RDX: variants seen among roughly 807,000 people sequenced by gnomAD.
The protein encoded by RDX is radixin, also known as deafness, autosomal recessive 24.
In RDX, 32 loss-of-function variants were observed where a neutral mutation model predicts 83.7. The observed-to-expected ratio is 0.38, with a 90% CI of 0.29 to 0.51. The LOEUF is 0.51. Ranked by LOEUF, RDX falls within the 20% of genes least tolerant of loss-of-function variation. The pLI is 0.87. For missense variants in RDX, 600 were observed against 689.9 expected, an observed-to-expected ratio of 0.87 and a Z score of 1.46; for synonymous variants, 229 against 222.7, an observed-to-expected ratio of 1.03 and a Z score of -0.25.
intron 14 of RDX, among the ~76,000 whole-genome samples, chr11:110,202,308 G>A (rs1226908649): frequency 6.6e-6 from 1 of 151,880 alleles, no homozygotes; most frequent in Non-Finnish European, 1.5e-5. Context: ...GACAGGAATC[G>A]CTTGAACCCT....
chr11:110,289,477 T>C (rs1312568990), intron 1 of RDX, among the ~76,000 whole-genome samples: 1 of 152,194 alleles, frequency 6.6e-6, no homozygotes, highest in Non-Finnish European at 1.5e-5. Context: ...TAAGTTTTTA[T>C]AGTTTTTCTA....
intron 10 of RDX, among the ~76,000 whole-genome samples, chr11:110,239,713 T>C (rs938303396): frequency 4.3e-5 from 6 of 140,952 alleles, no homozygotes; most frequent in Non-Finnish European, 9.8e-5. Flanking sequence ...TCCCAGGACT[T>C]TGGGATTTAC....
intron 15 of RDX, among the ~76,000 whole-genome samples, chr11:110,178,069 G>A (rs1014215335): frequency 6.6e-6 from 1 of 152,030 alleles, no homozygotes; most frequent in African/African-American, 2.4e-5. Context: ...CTAGACCCCT[G>A]GCCCGTCTCA....
intron 15 of RDX, chr11:110,199,501 C>A: frequency 1.4e-6 from 1 of 694,482 alleles, no homozygotes; most frequent in Non-Finnish European, 2.6e-6. Context: ...GAGGTCCCAC[C>A]AGCATCCTGG....
intron 14 of RDX, among the ~76,000 whole-genome samples, chr11:110,220,789 C>G (rs1197905040): frequency 6.6e-6 from 1 of 151,822 alleles, no homozygotes; most frequent in East Asian, 1.9e-4. Flanking sequence ...TGAGCCACCA[C>G]GCCTGGCCCC....
At chr11:110,258,887 T>TC (rs1197298485) in intron 5 of RDX, among the ~76,000 whole-genome samples, 1 of 147,792 alleles carries the variant, frequency 6.8e-6, no homozygotes, top group East Asian at 2.0e-4. Context: ...TTTTTTTTTT[T>TC]TTGAGATGGA....
intron 15 of RDX, among the ~76,000 whole-genome samples, chr11:110,190,768 G>GT (rs2134226418): frequency 6.6e-6 from 1 of 152,246 alleles, no homozygotes. Flanking sequence ...CATTACAACT[G>GT]ATCCCACAGA....
At chr11:110,272,492 C>A (rs749288423) in intron 3 of RDX, 44 bp downstream of exon 3, 2 of 1,230,990 alleles carry the variant, frequency 1.6e-6, no homozygotes, top group South Asian at 1.2e-5. Flanking sequence ...CAACAACATT[C>A]ACACTATGGT....
intron 14 of RDX, among the ~76,000 whole-genome samples, chr11:110,209,061 T>C (rs1863712402): frequency 6.6e-6 from 1 of 152,180 alleles, no homozygotes; most frequent in African/African-American, 2.4e-5. Context: ...GATTTCTGCA[T>C]TTCCATCTGA....
chr11:110,183,820 C>T lies in RDX; in HGVS notation c.*32-8586G>A, dbSNP rs190759605. ...TTTAGGCCACCATGATTGTTTTCCC[C>T]AGAGTTGCAATTCAGCAGGAGTAGG... On this transcript the variant is annotated intron_variant, in intron 15 of 15. Coordinates refer to the RDX transcript ENST00000528498. Among the ~76,000 whole-genome samples the T allele has an allele frequency of 7.2e-3, 1,096 of 152,340 alleles. 20 individuals carry two copies. Among genetic ancestry groups the T allele is most frequent in the African/African-American group, 0.024 (977 of 41,568 alleles).
chr11:110,276,007 AAC>A (rs778360194), intron 2 of RDX, among the ~76,000 whole-genome samples: 2 of 151,962 alleles, frequency 1.3e-5, no homozygotes, highest in Non-Finnish European at 2.9e-5. Context: ...GCTGGTCTCA[AAC>A]CCCTGACCTC....
rs951568803 is a variant in RDX at position 110,230,585 on chromosome 11, C to CACAGAGT, written c.*1283_*1284insACTCTGT. On this transcript the variant is annotated 3_prime_UTR_variant, in exon 14 of 14. Transcript: ENST00000645495. The stretch of plus-strand genomic sequence containing the variant: ...CTCTCATACACACACAGAGTACACA[C>CACAGAGT]ACACACACACACACACACACACACA... 1 of 59,704 alleles carries CACAGAGT rather than the reference C, an allele frequency of 1.7e-5. No individual in the cohort carries two copies. The highest frequency in any genetic ancestry group is 5.0e-5 in the African/African-American group (1 of 19,860). The allele number at this position is 59,704 out of a possible 1,614,324, so 3.7% of individuals were successfully genotyped here.
chr11:110,288,902 A>T (rs1010349778), intron 1 of RDX, among the ~76,000 whole-genome samples: 4 of 152,144 alleles, frequency 2.6e-5, no homozygotes, highest in Non-Finnish European at 5.9e-5. Flanking sequence ...ACTAATAAGC[A>T]TCACTAAGAA....
chr11:110,198,017 G>A lies in RDX; in HGVS notation c.*31+1564C>T, dbSNP rs79734874. Among the ~76,000 whole-genome samples, 1,125 of 152,246 alleles carry A rather than the reference G, an allele frequency of 7.4e-3. 12 individuals are homozygous for A. The highest frequency in any genetic ancestry group is 0.025 in the African/African-American group (1,038 of 41,552). On this transcript the variant is annotated intron_variant, in intron 15 of 15. Coordinates refer to the RDX transcript ENST00000528498. ...GCAGGCCAAATTCAAGGCCAAAGAA[G>A]CAAATTGCTTCTAAAAGTTCCCCAC...
intron 14 of RDX, among the ~76,000 whole-genome samples, chr11:110,221,587 G>A (rs1170790412): frequency 7.2e-6 from 1 of 138,140 alleles, no homozygotes; most frequent in Non-Finnish European, 1.5e-5. Flanking sequence ...AACAGAGCAA[G>A]ACCCTGTCTC....
intron 1 of RDX, among the ~76,000 whole-genome samples, chr11:110,291,557 T>A (rs1360825601): frequency 6.6e-6 from 1 of 152,060 alleles, no homozygotes; most frequent in Non-Finnish European, 1.5e-5. Context: ...TACTGCCCTG[T>A]CTGGATGGGA....
chr11:110,220,014 C>T (rs1458538832), intron 14 of RDX, among the ~76,000 whole-genome samples: 1 of 152,122 alleles, frequency 6.6e-6, no homozygotes, highest in Non-Finnish European at 1.5e-5. Flanking sequence ...CACACAAACA[C>T]ATATAAATTA....
chr11:110,178,614 T>C (rs1862822593), intron 15 of RDX, among the ~76,000 whole-genome samples: 1 of 151,944 alleles, frequency 6.6e-6, no homozygotes, highest in Admixed American at 6.6e-5. Context: ...GTCCCAAAGG[T>C]TGATAGATTT....
intron 2 of RDX, among the ~76,000 whole-genome samples, chr11:110,273,710 ATC>A (rs1429148743): frequency 6.6e-6 from 1 of 152,230 alleles, no homozygotes; most frequent in Non-Finnish European, 1.5e-5. Flanking sequence ...ATCCAAATAT[ATC>A]TTTTTAGCTT....
Sources: allele counts gnomAD v4.1 joint callset (sites outside exome capture counted in the v4.1 genomes callset), GRCh38; gene constraint gnomAD v4.1.1; transcripts MANE v1.5; gene names NCBI Gene and HGNC (gene_info 2026-07-23, HGNC 2026-07-21).